Variants in DLC1 observed in about 807,000 individuals in gnomAD.
DLC1 encodes the protein DLC1 Rho GTPase activating protein.
A neutral mutation model predicts 140.3 loss-of-function variants in DLC1; 54 were observed. That is an observed-to-expected ratio of 0.38 (90% CI 0.31 to 0.48). DLC1 has a LOEUF of 0.48. DLC1 is among the 20% of genes least tolerant of loss of function. The pLI, the probability that DLC1 is intolerant of heterozygous loss-of-function variation, is 0.96. For synonymous variants in DLC1, 986 were observed against 728.1 expected (o/e 1.35, Z -5.70); for missense variants, 2,536 against 1,907.0 (o/e 1.33, Z -6.14).
intron 2 of DLC1, among the ~76,000 whole-genome samples, chr8:13,480,147 C>G (rs1800655112): frequency 6.6e-6 from 1 of 152,164 alleles, no homozygotes; most frequent in Admixed American, 6.5e-5. Flanking sequence ...TACTGGGTCA[C>G]AGGAGAGTTG....
chr8:13,375,213 G>C (rs1238511962), intron 4 of DLC1, among the ~76,000 whole-genome samples: 1 of 152,040 alleles, frequency 6.6e-6, no homozygotes, highest in Non-Finnish European at 1.5e-5. Context: ...ATTTTTAGTA[G>C]AGACGGGGTT....
chr8:13,150,809 A>G (rs1823748781), intron 5 of DLC1, among the ~76,000 whole-genome samples: 3 of 152,260 alleles, frequency 2.0e-5, no homozygotes, highest in African/African-American at 7.2e-5. Context: ...GCTTTCTACA[A>G]ACAGACTTCA....
chr8:13,332,060 AT>A (rs772964663), intron 4 of DLC1, among the ~76,000 whole-genome samples: 26 of 152,308 alleles, frequency 1.7e-4, no homozygotes, highest in Non-Finnish European at 8.8e-5. Context: ...TAGCTTCAGC[AT>A]TTTTAATGAC....
At chr8:13,117,883 G>C (rs936991047) in intron 5 of DLC1, among the ~76,000 whole-genome samples, 64 of 152,162 alleles carry the variant, frequency 4.2e-4, no homozygotes, top group African/African-American at 1.3e-3. Flanking sequence ...GAAGATGTAA[G>C]ATACTAGTTT....
rs60996497 is a variant in DLC1 at position 13,579,361 on chromosome 8, A to ATTTTTT, written c.-126+25175_-126+25176insAAAAAA. 2.7e-4 allele frequency among the ~76,000 whole-genome samples: 7 copies of ATTTTTT among 25,490 alleles called. 2 individuals are homozygous for ATTTTTT. Among genetic ancestry groups the ATTTTTT allele is most frequent in the African/African-American group, 4.4e-4 (2 of 4,566 alleles). The allele number at this position is 25,490 out of a possible 152,430, so 16.7% of individuals were successfully genotyped here. On this transcript the variant is annotated intron_variant, in intron 1 of 1. Transcript: ENST00000631382. Reference sequence around the variant, plus strand: ...TATATATATATATATATATATATATATTTTTATATAATACATATTTATATA... The same window carrying ATTTTTT: ...TATATATATATATATATATATATATATTTTTTTTTTTATATAATACATATTTATATA...
chr8:13,507,357 G>A (rs12541202), intron 1 of DLC1, among the ~76,000 whole-genome samples: 8,751 of 152,110 alleles, frequency 0.058, 778 homozygotes, highest in East Asian at 0.37. Context: ...AGCAAAAACC[G>A]TAAGAGCACA....
At chr8:13,320,652 A>G (rs1047594894) in intron 4 of DLC1, among the ~76,000 whole-genome samples, 2 of 151,980 alleles carry the variant, frequency 1.3e-5, no homozygotes, top group Non-Finnish European at 2.9e-5. Context: ...TCATGAATAG[A>G]TTAAGGCTCT....
At chr8:13,377,578 C>T (rs972749578) in intron 4 of DLC1, among the ~76,000 whole-genome samples, 1 of 152,058 alleles carries the variant, frequency 6.6e-6, no homozygotes, top group Non-Finnish European at 1.5e-5. Context: ...TTTTTATAGA[C>T]CTAGAGCAAA....
chr8:13,465,348 AG>A (rs1242997308), intron 2 of DLC1, among the ~76,000 whole-genome samples: 2 of 152,144 alleles, frequency 1.3e-5, no homozygotes, highest in Admixed American at 6.5e-5. Flanking sequence ...TTATTGTATC[AG>A]TTATATTGAT....
intron 5 of DLC1, among the ~76,000 whole-genome samples, chr8:13,175,202 A>G (rs1825692292): frequency 6.6e-6 from 1 of 150,686 alleles, no homozygotes. Context: ...GTTCTCTATT[A>G]TGTTCCATTG....
At chr8:13,517,456 C>T (rs1318062640), upstream of DLC1, among the ~76,000 whole-genome samples, 2 of 152,160 alleles carry the variant, frequency 1.3e-5, no homozygotes, top group South Asian at 2.1e-4. Flanking sequence ...AATAGGATTA[C>T]TTCCCAAATC....
intron 2 of DLC1, among the ~76,000 whole-genome samples, chr8:13,430,950 C>A (rs1838833660): frequency 6.6e-6 from 1 of 152,092 alleles, no homozygotes; most frequent in South Asian, 2.1e-4. Context: ...AATTGCTATC[C>A]TATGAAGTCG....
At chr8:13,280,287 C>CAAAAAAAAAAAAAAAAAAAA (rs55791933) in intron 5 of DLC1, among the ~76,000 whole-genome samples, 1 of 65,352 alleles carries the variant, frequency 1.5e-5, no homozygotes, top group Non-Finnish European at 2.7e-5. Flanking sequence ...GACTCCATCT[C>CAAAAAAAAAAAAAAAAAAAA]AAAAAAAAAA....
At chr8:13,090,709 A>AG (rs1309219245) in intron 14 of DLC1, among the ~76,000 whole-genome samples, 3 of 152,166 alleles carry the variant, frequency 2.0e-5, no homozygotes, top group Non-Finnish European at 4.4e-5. Flanking sequence ...AAGTTAGAGT[A>AG]GGGGGAGTGA....
intron 1 of DLC1, among the ~76,000 whole-genome samples, chr8:13,592,191 T>C (rs1043175229): frequency 1.1e-4 from 16 of 152,070 alleles, no homozygotes; most frequent in African/African-American, 3.9e-4. Context: ...AGGTCTTATA[T>C]TTATCAACTT....
At chr8:13,573,293 A>G (rs993957729) in intron 1 of DLC1, among the ~76,000 whole-genome samples, 29 of 152,096 alleles carry the variant, frequency 1.9e-4, no homozygotes, top group African/African-American at 7.0e-4. Context: ...CATACAGTTG[A>G]TTTTTGCATG....
chr8:13,574,738 G>C (rs979263049), intron 1 of DLC1, among the ~76,000 whole-genome samples: 1 of 152,174 alleles, frequency 6.6e-6, no homozygotes, highest in Non-Finnish European at 1.5e-5. Context: ...AAACTCTTGA[G>C]ATAGAAGTGG....
intron 5 of DLC1, among the ~76,000 whole-genome samples, chr8:13,156,250 A>G (rs1824246485): frequency 6.6e-6 from 1 of 152,188 alleles, no homozygotes; most frequent in South Asian, 2.1e-4. Flanking sequence ...TCCTATAGCA[A>G]CTTTCTGCCA....
At chr8:13,520,732 G>C (rs559231795) in intron 1 of DLC1, among the ~76,000 whole-genome samples, 1 of 152,232 alleles carries the variant, frequency 6.6e-6, no homozygotes, top group South Asian at 2.1e-4. Flanking sequence ...TAGGGCTAGG[G>C]TACCATCAGA....
Sources: allele counts gnomAD v4.1 joint callset (sites outside exome capture counted in the v4.1 genomes callset), GRCh38; gene constraint gnomAD v4.1.1; transcripts MANE v1.5; gene names NCBI Gene and HGNC (gene_info 2026-07-23, HGNC 2026-07-21).